LRP5: variants seen among roughly 807,000 people sequenced by gnomAD.
The protein encoded by LRP5 is LDL receptor related protein 5, also known as low-density lipoprotein receptor-related protein 5.
A neutral mutation model predicts 154.1 loss-of-function variants in LRP5; 62 were observed. The ratio of observed to expected loss-of-function variants is 0.40; its 90% CI spans 0.33 to 0.50. LRP5 has a LOEUF of 0.50. Ranked by LOEUF, LRP5 falls within the 20% of genes least tolerant of loss-of-function variation. The pLI is 0.55. For synonymous variants in LRP5, 966 were observed against 1,011.5 expected (o/e 0.96, Z 0.85); for missense variants, 1,915 against 2,336.7 (o/e 0.82, Z 3.72).
chr11:68,396,959 A>G (rs1054413417), intron 7 of LRP5, among the ~76,000 whole-genome samples: 1 of 152,172 alleles, frequency 6.6e-6, no homozygotes, highest in East Asian at 1.9e-4. Context: ...TCTGCTTCAC[A>G]TAGCTGCCTC....
chr11:68,444,065 C>T (rs2098680131), intron 21 of LRP5, among the ~76,000 whole-genome samples: 1 of 152,132 alleles, frequency 6.6e-6, no homozygotes, highest in Admixed American at 6.5e-5. Flanking sequence ...CAGCTTGTTT[C>T]TTGGCTGATG....
At chr11:68,411,328 G>A (rs549807616) in intron 10 of LRP5, 108 bp from the exon 11 acceptor site, 18 of 1,232,208 alleles carry the variant, frequency 1.5e-5, no homozygotes, top group Non-Finnish European at 1.9e-5. Flanking sequence ...TCTCCAGGAC[G>A]GGGAGGGCTG....
At chr11:68,442,419 G>C (rs1430685692) in intron 21 of LRP5, among the ~76,000 whole-genome samples, 1 of 152,080 alleles carries the variant, frequency 6.6e-6, no homozygotes, top group African/African-American at 2.4e-5. Context: ...CAGATGGCAG[G>C]TGTGCACCAT....
At chr11:68,379,623 G>A (rs1359333985) in intron 5 of LRP5, among the ~76,000 whole-genome samples, 2 of 152,150 alleles carry the variant, frequency 1.3e-5, no homozygotes, top group Non-Finnish European at 2.9e-5. Flanking sequence ...TATAGTCTTC[G>A]CTAATTTATT....
chr11:68,391,235 T>C (rs2098646139), intron 7 of LRP5, among the ~76,000 whole-genome samples: 1 of 152,166 alleles, frequency 6.6e-6, no homozygotes, highest in Non-Finnish European at 1.5e-5. Flanking sequence ...TCCCAAAGTG[T>C]TGGGATTACA....
At chr11:68,356,647 G>A (rs1339389788) in intron 2 of LRP5, among the ~76,000 whole-genome samples, 1 of 152,170 alleles carries the variant, frequency 6.6e-6, no homozygotes, top group East Asian at 1.9e-4. Flanking sequence ...ACGTTTACAC[G>A]AGGGTTCGCC....
intron 3 of LRP5, among the ~76,000 whole-genome samples, chr11:68,363,107 T>C (rs1159468329): frequency 1.3e-5 from 2 of 152,260 alleles, no homozygotes; most frequent in African/African-American, 4.8e-5. Context: ...GTATAAATTA[T>C]GAGCATTGTA....
chr11:68,427,282 G>A (rs1001442940), intron 16 of LRP5, among the ~76,000 whole-genome samples: 1 of 152,166 alleles, frequency 6.6e-6, no homozygotes, highest in African/African-American at 2.4e-5. Flanking sequence ...GGCCTCCACA[G>A]CTGGGACCAC....
intron 1 of LRP5, among the ~76,000 whole-genome samples, chr11:68,314,914 C>G (rs1241358423): frequency 2.0e-5 from 3 of 152,258 alleles, no homozygotes; most frequent in Non-Finnish European, 2.9e-5. Flanking sequence ...ATTTGTTCAG[C>G]ACTTTCCTGG....
rs529781489 is a variant in LRP5 at position 68,382,869 on chromosome 11, G to A, written c.1016-3447G>A. The stretch of plus-strand genomic sequence containing the variant: ...TGGTGTGTGAAAATTGTGCTATTGT[G>A]TTACTTTAATGATTTTTTTTTTTTT... On this transcript the variant is annotated intron_variant, in intron 5 of 22. Coordinates refer to ENST00000294304, the MANE Select transcript of LRP5 (RefSeq NM_002335.4). 1.3e-4 allele frequency among the ~76,000 whole-genome samples: 18 copies of A among 135,778 alleles called. No individual in the cohort carries two copies. The South Asian group carries it at 5.2e-3, about 40-fold the overall frequency. 89.1% of individuals were successfully genotyped at this position (135,778 alleles called of 152,430 possible).
chr11:68,386,604 C>T lies in LRP5; in HGVS notation c.1304C>T (p.Thr435Met), dbSNP rs777314081. The stretch of plus-strand genomic sequence containing the variant: ...GCCCGAAACCTCTACTGGACCGACA[C>T]GGGCACGGACCGCATCGAGGTGACG... ...WVARNLYWTDTGTDRIEVTRL... is the reference protein window; with the variant it reads ...WVARNLYWTDMGTDRIEVTRL... Residue 435 changes from threonine to methionine, a missense_variant, in exon 6 of 23, where the codon ACG (threonine) becomes ATG (methionine). Around this residue, in one of 3 missense-constraint regions of LRP5, gnomAD observed 773 missense variants for 1,100.9 expected, o/e 0.70. Coordinates refer to ENST00000294304, the MANE Select transcript of LRP5 (RefSeq NM_002335.4). The surrounding 1 kb of genome is among the most constrained non-coding windows in gnomAD (Gnocchi z 7.9). The T allele has an allele frequency of 8.7e-6, 14 of 1,613,620 alleles. 1 individual carries two copies. Among genetic ancestry groups the T allele is most frequent in the East Asian group, 2.2e-5 (1 of 44,884 alleles).
intron 7 of LRP5, among the ~76,000 whole-genome samples, chr11:68,397,904 C>T (rs2098650328): frequency 6.6e-6 from 1 of 151,138 alleles, no homozygotes; most frequent in Admixed American, 6.6e-5. Context: ...CTGTTGGCTG[C>T]ACTGTGCTCC....
chr11:68,436,116 C>A (rs534020701), intron 18 of LRP5, among the ~76,000 whole-genome samples: 2 of 152,174 alleles, frequency 1.3e-5, no homozygotes, highest in African/African-American at 4.8e-5. Context: ...CCGTGTGCCC[C>A]GCGGTGCTGG....
At chr11:68,318,961 G>A (rs578119734) in intron 1 of LRP5, among the ~76,000 whole-genome samples, 12 of 152,064 alleles carry the variant, frequency 7.9e-5, no homozygotes, top group Non-Finnish European at 1.6e-4. Context: ...GGAGCTTCAC[G>A]TTTTTTCTCC....
intron 1 of LRP5, among the ~76,000 whole-genome samples, chr11:68,318,131 T>C (rs563446697): frequency 6.6e-6 from 1 of 151,928 alleles, no homozygotes; most frequent in South Asian, 2.1e-4. Context: ...CTCAGCTCAC[T>C]GCAAGCTCCA....
intron 5 of LRP5, among the ~76,000 whole-genome samples, chr11:68,377,045 T>G (rs1050035428): frequency 2.0e-5 from 3 of 152,030 alleles, no homozygotes; most frequent in Non-Finnish European, 4.4e-5. Flanking sequence ...CTTTAGGAAC[T>G]CCTCACCTGA....
chr11:68,427,690 A>C (rs1422328614), intron 16 of LRP5, among the ~76,000 whole-genome samples: 1 of 151,986 alleles, frequency 6.6e-6, no homozygotes, highest in African/African-American at 2.4e-5. Flanking sequence ...AAAAAAAAAA[A>C]AGGGCCAGGG....
At position 68,361,606 on chromosome 11, in the gene LRP5, C is replaced by T. The variant is rs367995312; in HGVS notation, c.687-2141C>T. ...GAGCTGAGATGGCACCACTGCACTC[C>T]AGCCTGGGCGACAGAGCGAGACTCT... On this transcript the variant is annotated intron_variant, in intron 3 of 22. Coordinates refer to ENST00000294304, the MANE Select transcript of LRP5 (RefSeq NM_002335.4). Among the ~76,000 whole-genome samples the T allele has an allele frequency of 2.0e-5, 3 of 151,984 alleles. No homozygotes were observed. In the East Asian group the frequency reaches 5.8e-4, roughly 29 times the overall value.
chr11:68,437,311 C>T (rs934534097), intron 19 of LRP5, among the ~76,000 whole-genome samples: 21 of 152,232 alleles, frequency 1.4e-4, no homozygotes, highest in South Asian at 2.1e-4. Flanking sequence ...CAAGATTACC[C>T]GAGGGCTGCA....
Sources: allele counts gnomAD v4.1 joint callset (sites outside exome capture counted in the v4.1 genomes callset), GRCh38; gene constraint gnomAD v4.1.1; regional missense constraint gnomAD v4.1.1; non-coding constraint Gnocchi (gnomAD v3.1); transcripts MANE v1.5; gene names NCBI Gene and HGNC (gene_info 2026-07-23, HGNC 2026-07-21).